MELK: variants seen among roughly 807,000 people sequenced by gnomAD.
MELK encodes maternal embryonic leucine zipper kinase.
Under a neutral mutation model 85.0 loss-of-function variants are expected in MELK, and 81 were observed. That is an observed-to-expected ratio of 0.95 (90% CI 0.80 to 1.15). MELK has a LOEUF of 1.15. MELK is among the 50% of genes most tolerant of loss of function. The probability of loss-of-function intolerance (pLI) is 0.00; values close to 1 mark genes in which losing one functional copy is unlikely to be tolerated. For missense variants in MELK, 754 were observed against 777.5 expected (o/e 0.97, Z 0.36); for synonymous variants, 252 against 265.0 (o/e 0.95, Z 0.48).
At chr9:36,661,246 A>T (rs1831783717) in intron 13 of MELK, among the ~76,000 whole-genome samples, 1 of 152,124 alleles carries the variant, frequency 6.6e-6, no homozygotes, top group Admixed American at 6.5e-5. Context: ...CCTCAAACTC[A>T]CTGTTTCTAC....
chr9:36,641,602 ATTTTTTT>A (rs59380521), intron 10 of MELK, among the ~76,000 whole-genome samples: 20,625 of 126,760 alleles, frequency 0.16, 1,792 homozygotes, highest in African/African-American at 0.26. Context: ...ATAAAGAGAG[ATTTTTTT>A]TTTTTTTTTT....
rs1821236509 is a variant in MELK, at chr9:36,572,941, GTC to G, written c.-100_-99del. 6.6e-6 allele frequency: 1 copy of G among 151,930 alleles called. No individual in the cohort carries two copies. Among genetic ancestry groups the G allele is most frequent in the African/African-American group, 2.4e-5 (1 of 41,292 alleles). The allele number at this position is 151,930 out of a possible 1,614,324, so 9.4% of individuals were successfully genotyped here. A position where few individuals can be genotyped will look rare whatever the true frequency, so the allele number is the denominator to read the frequency against. On this transcript the variant is annotated 5_prime_UTR_variant, in exon 1 of 18. Coordinates refer to ENST00000298048, the MANE Select transcript of MELK (RefSeq NM_014791.4). ...TTCTTAGGAACGCCGTACCAGCCGC[GTC>G]TCTCAGGACAGCAGGCCCCTGTCCT... is the stretch of plus-strand genomic sequence containing the variant.
At chr9:36,665,625 TA>T (rs757710472) in intron 14 of MELK, 44 bp downstream of exon 14, 1 of 1,475,134 alleles carries the variant, frequency 6.8e-7, no homozygotes, top group Non-Finnish European at 9.3e-7. Context: ...TCATTTTTCT[TA>T]CCATGTTAAG....
At chr9:36,634,389 T>G (rs1483918411) in intron 10 of MELK, among the ~76,000 whole-genome samples, 2 of 152,182 alleles carry the variant, frequency 1.3e-5, no homozygotes, top group Non-Finnish European at 2.9e-5. Flanking sequence ...CCGTGTTCTT[T>G]CTCATCAAAA....
At chr9:36,665,617 A>G in intron 14 of MELK, 36 bp downstream of exon 14, 1 of 1,503,058 alleles carries the variant, frequency 6.7e-7, no homozygotes, top group Non-Finnish European at 9.1e-7. Context: ...AAGAAGTTTC[A>G]TTTTTCTTAC....
chr9:36,585,213 T>C (rs772580481), intron 3 of MELK, among the ~76,000 whole-genome samples: 1 of 152,074 alleles, frequency 6.6e-6, no homozygotes, highest in Admixed American at 6.6e-5. Flanking sequence ...CTGTCTCTTT[T>C]GGTGGTTTTT....
In MELK at chr9:36,669,390, A is replaced by G. The variant is rs1832690297; in HGVS notation, c.1489A>G (p.Ile497Val). 1 of 1,602,748 alleles carries G rather than the reference A, an allele frequency of 6.2e-7. No homozygotes were observed. The highest frequency in any genetic ancestry group is 1.3e-5 in the African/African-American group (1 of 74,160). ...TGTDKLMTGV[I>V]SPERRCRSVE... ...AACAGACAAGTTAATGACAGGTGTC[A>G]TTAGCCCTGAGAGGCGGTAAGTGTT... The change falls in exon 15 of 18, where the codon ATT becomes GTT. Residue 497 changes from isoleucine (I) to valine (V), a missense_variant. Physicochemically the swap from Ile to Val is conservative, Grantham distance 29. Transcript: ENST00000298048.
At chr9:36,627,053 A>AAC (rs10608377) in intron 8 of MELK, among the ~76,000 whole-genome samples, 9,488 of 140,884 alleles carry the variant, frequency 0.067, 341 homozygotes, top group South Asian at 0.082. Context: ...CACAAGCGCA[A>AAC]ACACACACAC....
intron 7 of MELK, chr9:36,606,750 AT>A (rs1234511031): frequency 6.8e-6 from 1 of 147,380 alleles, no homozygotes; most frequent in African/African-American, 2.5e-5. Flanking sequence ...TACATATATA[AT>A]ATATATAATA....
intron 17 of MELK, among the ~76,000 whole-genome samples, chr9:36,676,558 C>T (rs773432723): frequency 1.3e-5 from 2 of 152,108 alleles, no homozygotes; most frequent in East Asian, 1.9e-4. Flanking sequence ...AAATGCCGTA[C>T]GTTTCAGTTA....
intron 4 of MELK, among the ~76,000 whole-genome samples, chr9:36,592,855 G>A (rs576120063): frequency 6.6e-6 from 1 of 151,524 alleles, no homozygotes; most frequent in African/African-American, 2.4e-5. Flanking sequence ...TTTGACAAAT[G>A]TATATACCCA....
intron 13 of MELK, among the ~76,000 whole-genome samples, chr9:36,664,999 G>T (rs1168493725): frequency 1.3e-5 from 2 of 152,094 alleles, no homozygotes; most frequent in East Asian, 3.8e-4. Context: ...CCTAATTGCT[G>T]ACTAAACTTT....
At chr9:36,594,976 T>G (rs7031715) in intron 5 of MELK, among the ~76,000 whole-genome samples, 32,023 of 146,574 alleles carry the variant, frequency 0.22, 5,779 homozygotes, top group African/African-American at 0.5. Flanking sequence ...ACCCAGGCTA[T>G]AGTGCAGTGG....
chr9:36,589,669 A>G lies in MELK; in HGVS notation c.261+17A>G, dbSNP rs1349101111. 5 of 1,520,292 alleles carry G rather than the reference A, an allele frequency of 3.3e-6. No homozygotes were observed. Among genetic ancestry groups the G allele is most frequent in the Non-Finnish European group, 4.6e-6 (5 of 1,096,116 alleles). 94.2% of individuals were successfully genotyped at this position (1,520,292 alleles called of 1,614,324 possible). The stretch of plus-strand genomic sequence containing the variant: ...GTTCTTGAGGTTAGTAGTATGTTCC[A>G]GATACCTGAAAACATTTGATCACTT... On this transcript the variant is annotated intron_variant, in intron 4 of 17. Transcript: ENST00000298048.
At chr9:36,651,627 TAA>T (rs1461895696) in intron 11 of MELK, 117 bp from the exon 12 acceptor site, 1 of 1,225,022 alleles carries the variant, frequency 8.2e-7, no homozygotes, top group Non-Finnish European at 1.1e-6. Flanking sequence ...ATATGCTGTG[TAA>T]ACCTATTGGC....
Position 36,677,163 on chromosome 9 carries a change from T to A in MELK, c.1782T>A (p.Tyr594Ter), listed in dbSNP as rs957293558. ...KKHVDFVQKG[Y>*]TLKCQTQSDF... is the part of the protein sequence containing the mutation. ...CTTCTTATCTTGTTTTTCACAGTTATACACTGAAGTGTCAAACACAGTCAG... is the reference window on the plus strand; with the variant it reads ...CTTCTTATCTTGTTTTTCACAGTTAAACACTGAAGTGTCAAACACAGTCAG... The change falls in exon 18 of 18, where the codon TAT (tyrosine) becomes TAA (stop). Residue 594 changes from tyrosine (Y) to a stop codon, truncating the protein, a stop_gained. Transcript: ENST00000298048. LOFTEE classifies it high-confidence loss of function. 1 of 1,613,188 alleles carries A rather than the reference T, an allele frequency of 6.2e-7. No individual in the cohort carries two copies. The highest frequency in any genetic ancestry group is 1.1e-5 in the South Asian group (1 of 90,812).
rs1162297024 is a variant in MELK, at chr9:36,666,286, G to T, written c.1408+705G>T. Among the ~76,000 whole-genome samples the T allele has an allele frequency of 3.3e-5, 5 of 152,292 alleles. No individual in the cohort carries two copies. In the East Asian group the frequency reaches 9.6e-4, roughly 29 times the overall value. ...AGAATACAGTGCCTAGAACTAAACT[G>T]AGTTTTCTAGACTAGGTCTCACTAG... On this transcript the variant is annotated intron_variant, in intron 14 of 17. Coordinates refer to ENST00000298048, the MANE Select transcript of MELK (RefSeq NM_014791.4).
rs144447342 is a variant in MELK, at chr9:36,641,933, C to T, written c.835-1064C>T. Among the ~76,000 whole-genome samples the T allele has an allele frequency of 2.1e-4, 32 of 152,148 alleles. No individual in the cohort carries two copies. In the East Asian group the frequency reaches 5.2e-3, roughly 25 times the overall value. ...AAGAGAGTTATGTTGGAAAGATGAA[C>T]TTTAAAGTTGTATTCCTCTGCTTCT... is the stretch of plus-strand genomic sequence containing the variant. On this transcript the variant is annotated intron_variant, in intron 10 of 17. Transcript: ENST00000298048.
chr9:36,596,401 GC>G (rs1824242922), intron 5 of MELK, among the ~76,000 whole-genome samples: 1 of 151,618 alleles, frequency 6.6e-6, no homozygotes, highest in African/African-American at 2.4e-5. Context: ...GACTACAGGC[GC>G]CTGCCACCAC....
Sources: allele counts gnomAD v4.1 joint callset (sites outside exome capture counted in the v4.1 genomes callset), GRCh38; gene constraint gnomAD v4.1.1; transcripts MANE v1.5; gene names NCBI Gene and HGNC (gene_info 2026-07-23, HGNC 2026-07-21).